NRP1: variants seen among roughly 807,000 people sequenced by gnomAD.
NRP1 encodes the protein neuropilin-1.
NRP1 carries 35 observed loss-of-function variants against 106.7 expected under a neutral mutation model. That is an observed-to-expected ratio of 0.33 (90% CI 0.25 to 0.43). The LOEUF (loss-of-function observed/expected upper bound fraction) is 0.43, where lower values mean the gene tolerates loss of function less well. Ranked by LOEUF, NRP1 falls within the 20% of genes least tolerant of loss-of-function variation. The probability of loss-of-function intolerance (pLI) is 1.00; values close to 1 mark genes in which losing one functional copy is unlikely to be tolerated. For missense variants in NRP1, 1,024 were observed against 1,170.4 expected, an observed-to-expected ratio of 0.87 and a Z score of 1.83; for synonymous variants, 437 against 417.9, an observed-to-expected ratio of 1.05 and a Z score of -0.56.
chr10:33,299,121 G>A (rs575029661), intron 2 of NRP1, among the ~76,000 whole-genome samples: 192 of 152,254 alleles, frequency 1.3e-3, no homozygotes, highest in African/African-American at 4.4e-3. Context: ...GGTCACAGAG[G>A]AAGTGTCTAA....
intron 6 of NRP1, among the ~76,000 whole-genome samples, chr10:33,238,641 T>A (rs1346317152): frequency 6.6e-6 from 1 of 152,118 alleles, no homozygotes; most frequent in Non-Finnish European, 1.5e-5. Context: ...GCAGGCAGCA[T>A]ATGGTGGAAA....
chr10:33,241,408 C>T (rs144668271), intron 6 of NRP1, among the ~76,000 whole-genome samples: 32 of 152,276 alleles, frequency 2.1e-4, no homozygotes, highest in African/African-American at 7.7e-4. Flanking sequence ...GGAAAAAATG[C>T]ATCTGTACAA....
At chr10:33,249,095 T>G (rs957020845) in intron 6 of NRP1, among the ~76,000 whole-genome samples, 1 of 147,284 alleles carries the variant, frequency 6.8e-6, no homozygotes, top group African/African-American at 2.5e-5. Context: ...TTTTTTTTTT[T>G]TTTTTTTTTT....
chr10:33,221,962 A>G lies in NRP1; in HGVS notation c.1138-99T>C, dbSNP rs186546890. ...GGTTGTAAAAATTATTTACAATTTCAGTGTTGTCGATCAAGGATGAGATGG... is the reference window on the plus strand; with the variant it reads ...GGTTGTAAAAATTATTTACAATTTCGGTGTTGTCGATCAAGGATGAGATGG... On this transcript the variant is annotated intron_variant, in intron 7 of 16. Coordinates refer to ENST00000374867, the MANE Select transcript of NRP1 (RefSeq NM_003873.7). 2.2e-5 allele frequency: 30 copies of G among 1,335,858 alleles called. No individual in the cohort carries two copies. In the Admixed American group the frequency reaches 2.5e-4, roughly 11 times the overall value. 82.8% of individuals were successfully genotyped at this position (1,335,858 alleles called of 1,614,324 possible).
intron 6 of NRP1, among the ~76,000 whole-genome samples, chr10:33,246,707 C>T (rs1449853300): frequency 1.3e-5 from 2 of 152,066 alleles, no homozygotes; most frequent in African/African-American, 4.8e-5. Flanking sequence ...ATTTGGGTAA[C>T]CCAGTGAGCT....
intron 2 of NRP1, among the ~76,000 whole-genome samples, chr10:33,308,086 G>C (rs2132756710): frequency 6.6e-6 from 1 of 152,262 alleles, no homozygotes; most frequent in South Asian, 2.1e-4. Flanking sequence ...GCAGCTGGAG[G>C]CCATCATCCT....
chr10:33,304,811 C>T (rs998918308), intron 2 of NRP1, among the ~76,000 whole-genome samples: 7 of 152,230 alleles, frequency 4.6e-5, no homozygotes, highest in Non-Finnish European at 1.0e-4. Context: ...TTGAAAGCTT[C>T]TGGTGGAAGG....
intron 6 of NRP1, among the ~76,000 whole-genome samples, chr10:33,243,707 GTCA>G (rs1841198067): frequency 6.6e-6 from 1 of 152,226 alleles, no homozygotes; most frequent in African/African-American, 2.4e-5. Flanking sequence ...AAGTGCATAT[GTCA>G]TCATCCTCAA....
chr10:33,199,742 C>A (rs1243124161), intron 11 of NRP1, among the ~76,000 whole-genome samples: 2 of 152,090 alleles, frequency 1.3e-5, no homozygotes, highest in African/African-American at 4.8e-5. Context: ...ATGGGGTGGG[C>A]CCATGCCTAC....
At chr10:33,194,030 C>T (rs544600984) in intron 12 of NRP1, among the ~76,000 whole-genome samples, 87 of 152,182 alleles carry the variant, frequency 5.7e-4, no homozygotes, top group Admixed American at 4.1e-3. Context: ...CTATATTTCA[C>T]AGCTGTAGTG....
At chr10:33,313,951 T>G (rs1472601101) in intron 2 of NRP1, among the ~76,000 whole-genome samples, 2 of 151,860 alleles carry the variant, frequency 1.3e-5, no homozygotes, top group Non-Finnish European at 2.9e-5. Context: ...CTTCCTTCCT[T>G]CCTTCCCTCC....
chr10:33,304,116 T>C (rs775633965), intron 2 of NRP1, among the ~76,000 whole-genome samples: 1 of 152,246 alleles, frequency 6.6e-6, no homozygotes, highest in Non-Finnish European at 1.5e-5. Flanking sequence ...CAATGTCATT[T>C]GGTTAACACA....
At chr10:33,213,749 A>T in intron 8 of NRP1, 32 bp from the exon 9 acceptor site, 1 of 1,500,060 alleles carries the variant, frequency 6.7e-7, no homozygotes, top group South Asian at 1.3e-5. Context: ...ATAATGTAAA[A>T]TGATTTCCTG....
chr10:33,232,322 T>C (rs945172833), intron 6 of NRP1, among the ~76,000 whole-genome samples: 3 of 152,236 alleles, frequency 2.0e-5, no homozygotes, highest in African/African-American at 7.2e-5. Context: ...AGCTCTGCTC[T>C]AATCACCATT....
At chr10:33,208,899 CT>C (rs11310131) in intron 9 of NRP1, among the ~76,000 whole-genome samples, 11,138 of 85,476 alleles carry the variant, frequency 0.13, 197 homozygotes, top group Non-Finnish European at 0.15. Context: ...TTAGAGCAGC[CT>C]TTTTTTTTTT....
intron 11 of NRP1, 147 bp from the exon 12 acceptor site, chr10:33,197,856 C>A: frequency 4.6e-6 from 2 of 436,356 alleles, no homozygotes; most frequent in Non-Finnish European, 8.1e-6. Context: ...TGTTTCCCTT[C>A]AATTTTGCTC....
At chr10:33,186,532 C>A in intron 13 of NRP1, 44 bp from the exon 14 acceptor site, 1 of 1,561,148 alleles carries the variant, frequency 6.4e-7, no homozygotes, top group Non-Finnish European at 8.7e-7. Flanking sequence ...GCCAGGATTA[C>A]CACACTTTTA....
intron 2 of NRP1, among the ~76,000 whole-genome samples, chr10:33,278,837 A>T (rs1428815838): frequency 6.6e-6 from 1 of 152,242 alleles, no homozygotes; most frequent in Non-Finnish European, 1.5e-5. Context: ...CTCAGGGGTC[A>T]TAATAAAGAC....
At chr10:33,194,749 T>G (rs201320708) in intron 12 of NRP1, 1 of 527,924 alleles carries the variant, frequency 1.9e-6, no homozygotes, top group Non-Finnish European at 3.9e-6. Context: ...GGTTATGGAG[T>G]GAGAGGTTCA....
Sources: allele counts gnomAD v4.1 joint callset (sites outside exome capture counted in the v4.1 genomes callset), GRCh38; gene constraint gnomAD v4.1.1; transcripts MANE v1.5; gene names NCBI Gene and HGNC (gene_info 2026-07-23, HGNC 2026-07-21).